The following DHX37 variants were observed in gnomAD, a reference collection of about 807,000 sequenced individuals.
DHX37 encodes probable ATP-dependent RNA helicase DHX37.
DHX37 carries 52 observed loss-of-function variants against 134.3 expected under a neutral mutation model. The observed-to-expected ratio is 0.39, with a 90% CI of 0.31 to 0.49. The LOEUF (loss-of-function observed/expected upper bound fraction) is 0.49, where lower values mean the gene tolerates loss of function less well. Ranked by LOEUF, DHX37 falls within the 20% of genes least tolerant of loss-of-function variation. The probability of loss-of-function intolerance (pLI) is 0.93; values close to 1 mark genes in which losing one functional copy is unlikely to be tolerated. For synonymous variants in DHX37, 634 were observed against 670.7 expected, an observed-to-expected ratio of 0.95 and a Z score of 0.85; for missense variants, 1,344 against 1,580.8, an observed-to-expected ratio of 0.85 and a Z score of 2.54.
rs539567602 is a variant in DHX37, at chr12:124,967,431, G to A, written c.1409-213C>T. The stretch of plus-strand genomic sequence containing the variant: ...ACAAACACGGCGACTGCACAGCCCA[G>A]CAGCATCACTCCCAGGAACAGACCC... On this transcript the variant is annotated intron_variant, in intron 10 of 26. Transcript: ENST00000308736. Among the ~76,000 whole-genome samples the A allele has an allele frequency of 1.4e-3, 217 of 152,272 alleles. 1 individual carries two copies. Among genetic ancestry groups the A allele is most frequent in the African/African-American group, 4.5e-3 (188 of 41,554 alleles).
At position 124,949,974 on chromosome 12, in the gene DHX37, C is replaced by A. The variant is rs376389189; in HGVS notation, c.3290+12G>T. The A allele has an allele frequency of 1.2e-6, 2 of 1,603,264 alleles. No individual in the cohort carries two copies. The highest frequency in any genetic ancestry group is 2.7e-5 in the African/African-American group (2 of 74,776). On this transcript the variant is annotated intron_variant, in intron 25 of 26. Transcript: ENST00000308736. This position sits in a 1 kb window ranked among gnomAD's most constrained non-coding sequence, Gnocchi z 4.0. ...CTCCTGCCCACTGCGAGGCTCCCAC[C>A]GAAGGCAGTACCTGGCCCACGTCTT...
chr12:124,985,954 G>T, intron 2 of DHX37, 142 bp downstream of exon 2: 2 of 959,038 alleles, frequency 2.1e-6, no homozygotes, highest in Non-Finnish European at 3.1e-6. Context: ...AGTGGCTACC[G>T]CACTGGACCA....
At chr12:124,974,968 G>A (rs56282801) in intron 6 of DHX37, among the ~76,000 whole-genome samples, 45,980 of 151,826 alleles carry the variant, frequency 0.3, 7,375 homozygotes, top group Middle Eastern at 0.43. Context: ...TAGAGACAGG[G>A]TTTCTCCATG....
intron 6 of DHX37, among the ~76,000 whole-genome samples, chr12:124,974,009 G>T (rs900450290): frequency 6.9e-6 from 1 of 145,932 alleles, no homozygotes; most frequent in African/African-American, 2.6e-5. Context: ...CTGCAGTGGT[G>T]CTATCTCAAT....
chr12:124,986,490 C>G (rs191346729), intron 1 of DHX37, among the ~76,000 whole-genome samples: 158 of 152,010 alleles, frequency 1.0e-3, no homozygotes, highest in African/African-American at 3.5e-3. Flanking sequence ...GCAGGTGGCT[C>G]ACTTGAGGTC....
At chr12:124,964,195 CAAA>C (rs397692928) in intron 15 of DHX37, among the ~76,000 whole-genome samples, 196 bp downstream of exon 15, 6 of 57,462 alleles carry the variant, frequency 1.0e-4, no homozygotes, top group African/African-American at 4.2e-4. Context: ...AACTCCATCT[CAAA>C]AAAAAAAAAA....
At position 124,968,588 on chromosome 12, in the gene DHX37, A is replaced by G. The variant is rs748879656; in HGVS notation, c.1354T>C (p.Tyr452His). The change falls in exon 10 of 27, where the codon TAC (tyrosine) becomes CAC (histidine). Residue 452 changes from tyrosine to histidine, a missense_variant. By Grantham distance (83) the Tyr-to-His change is moderately conservative. Coordinates refer to ENST00000308736, the MANE Select transcript of DHX37 (RefSeq NM_032656.4). The stretch of plus-strand genomic sequence containing the variant: ...ACCTTCCGGAAGCACTCGCCACTGT[A>G]GTCTTCCAGCGGTGTCCGCTTGTTG... ...HFNKRTPLED[Y>H]SGECFRKVCK... The G allele has an allele frequency of 6.2e-7, 1 of 1,614,100 alleles. No homozygotes were observed. Among genetic ancestry groups the G allele is most frequent in the South Asian group, 1.1e-5 (1 of 91,090 alleles).
At chr12:124,977,211 G>GTCTC in intron 5 of DHX37, 131 bp downstream of exon 5, 1 of 1,162,054 alleles carries the variant, frequency 8.6e-7, no homozygotes, top group Non-Finnish European at 1.1e-6. Flanking sequence ...TAAGTAGCTT[G>GTCTC]TCTGAAGTCA....
chr12:124,976,936 G>A (rs192255452), intron 5 of DHX37, among the ~76,000 whole-genome samples: 100 of 142,726 alleles, frequency 7.0e-4, no homozygotes, highest in African/African-American at 2.4e-3. Context: ...AATCCCAGCT[G>A]TTGAGGAGGC....
chr12:124,955,301 C>T (rs1178978086), intron 18 of DHX37, among the ~76,000 whole-genome samples: 4 of 152,214 alleles, frequency 2.6e-5, no homozygotes, highest in Admixed American at 1.3e-4. Context: ...GGTGTGACTT[C>T]GGGCTCTGCT....
chr12:124,977,936 C>T (rs752227114), intron 4 of DHX37, among the ~76,000 whole-genome samples: 19 of 152,164 alleles, frequency 1.2e-4, no homozygotes, highest in Non-Finnish European at 1.9e-4. Context: ...TATCATGACT[C>T]AGTACACACA....
chr12:124,953,865 G>T lies in DHX37; in HGVS notation c.2695+15C>A. On this transcript the variant is annotated intron_variant, in intron 20 of 26. Transcript: ENST00000308736. The stretch of plus-strand genomic sequence containing the variant: ...TGCCCGCCGGGTGCAGCGGCGTGCC[G>T]GCACGGGGCCGTACCTGCGGTGGTC... 6.2e-7 allele frequency: 1 copy of T among 1,607,270 alleles called. No individual in the cohort carries two copies. The highest frequency in any genetic ancestry group is 8.5e-7 in the Non-Finnish European group (1 of 1,176,964).
At chr12:124,977,052 A>AG (rs1954661384) in intron 5 of DHX37, among the ~76,000 whole-genome samples, 1 of 151,662 alleles carries the variant, frequency 6.6e-6, no homozygotes, top group Admixed American at 6.6e-5. Context: ...TCTCAAAAAA[A>AG]AAAAAAAAAG....
intron 2 of DHX37, among the ~76,000 whole-genome samples, chr12:124,984,188 A>G (rs1283011651): frequency 6.6e-6 from 1 of 152,136 alleles, no homozygotes; most frequent in African/African-American, 2.4e-5. Context: ...ACTGCTACAG[A>G]TCCAAATACT....
Position 124,949,396 on chromosome 12 carries a change from GAGC to G in DHX37, c.3290+587_3290+589del, listed in dbSNP as rs1228497039. Among the ~76,000 whole-genome samples, 2 of 152,200 alleles carry G rather than the reference GAGC, an allele frequency of 1.3e-5. No individual in the cohort carries two copies. The highest frequency in any genetic ancestry group is 4.8e-5 in the African/African-American group (2 of 41,454). ...TGGGTCTGGACCACAGGCAGGAGGA[GAGC>G]AGAAGCAGGAGGCAGAGGGCAAGGG... On this transcript the variant is annotated intron_variant, in intron 25 of 26. Transcript: ENST00000308736. The surrounding 1 kb of genome is among the most constrained non-coding windows in gnomAD (Gnocchi z 4.0).
At chr12:124,965,624 G>A (rs780431703) in intron 13 of DHX37, 44 bp downstream of exon 13, 2 of 1,558,124 alleles carry the variant, frequency 1.3e-6, no homozygotes, top group Admixed American at 1.8e-5. Context: ...CATCCTCAGG[G>A]CAGAGATAAT....
At chr12:124,975,336 G>A in intron 6 of DHX37, 83 bp downstream of exon 6, 2 of 1,402,664 alleles carry the variant, frequency 1.4e-6, no homozygotes. Flanking sequence ...CACAGATGCT[G>A]CTCACCTCCT....
rs1954349499 is a variant in DHX37, at chr12:124,965,016, A to G, written c.1736-10T>C. ...GCATCCGGCTGCTCACCTGGAGGGA[A>G]AGCAGAGGTCACTGGCACCCAGGCC... On this transcript the variant is annotated splice_polypyrimidine_tract_variant and intron_variant, in intron 13 of 26. Coordinates refer to ENST00000308736, the MANE Select transcript of DHX37 (RefSeq NM_032656.4). 6.3e-7 allele frequency: 1 copy of G among 1,589,648 alleles called. No homozygotes were observed. The highest frequency in any genetic ancestry group is 1.3e-5 in the African/African-American group (1 of 74,836).
chr12:124,981,849 C>T (rs1265078983), intron 3 of DHX37, among the ~76,000 whole-genome samples: 2 of 150,884 alleles, frequency 1.3e-5, no homozygotes, highest in African/African-American at 2.4e-5. Context: ...ACCAGTCGGG[C>T]GCGGTGGCTC....
Sources: gnomAD v4.1 joint callset for allele counts (sites outside exome capture counted in the v4.1 genomes callset) on GRCh38, gnomAD v4.1.1 for gene constraint, Gnocchi (gnomAD v3.1) non-coding constraint, MANE v1.5 for transcripts, NCBI Gene and HGNC (gene_info 2026-07-23, HGNC 2026-07-21) for gene names.